Variants in THRB observed in about 807,000 individuals in gnomAD.
THRB encodes the protein nuclear receptor subfamily 1 group A member 2.
THRB carries 12 observed loss-of-function variants against 47.8 expected under a neutral mutation model. The ratio of observed to expected loss-of-function variants is 0.25; its 90% CI spans 0.16 to 0.41. THRB has a LOEUF of 0.41. THRB is among the 10% of genes least tolerant of loss of function. The pLI, the probability that THRB is intolerant of heterozygous loss-of-function variation, is 1.00. For missense variants in THRB, 348 were observed against 589.2 expected (o/e 0.59, Z 4.24); for synonymous variants, 218 against 212.2 (o/e 1.03, Z -0.24).
At position 24,118,278 on chromosome 3, in the gene THRB, A is replaced by T. The variant is rs2031008008; in HGVS notation, c.*4606T>A. ...GAGTTTATCTACGCCCACTATATTCATAATTACAGTTTTATATCTGCATAC... is the reference window on the plus strand; with the variant it reads ...GAGTTTATCTACGCCCACTATATTCTTAATTACAGTTTTATATCTGCATAC... On this transcript the variant is annotated 3_prime_UTR_variant, in exon 11 of 11. Transcript: ENST00000646209. 2 of 152,642 alleles carry T rather than the reference A, an allele frequency of 1.3e-5. No homozygotes were observed. Among genetic ancestry groups the T allele is most frequent in the Non-Finnish European group, 2.9e-5 (2 of 68,042 alleles). 9.5% of individuals were successfully genotyped at this position (152,642 alleles called of 1,614,324 possible).
intron 4 of THRB, among the ~76,000 whole-genome samples, chr3:24,224,671 A>C (rs1163377161): frequency 6.6e-6 from 1 of 152,234 alleles, no homozygotes; most frequent in Non-Finnish European, 1.5e-5. Flanking sequence ...AAGCTTGTTC[A>C]GTAGGACAGT....
Position 24,127,688 on chromosome 3 carries a change from C to G in THRB, c.955G>C (p.Val319Leu), listed in dbSNP as rs1307618097. 2 of 1,614,204 alleles carry G rather than the reference C, an allele frequency of 1.2e-6. No homozygotes were observed. Among genetic ancestry groups the G allele is most frequent in the South Asian group, 2.2e-5 (2 of 91,088 alleles). Residue 319 changes from valine (V) to leucine (L), a missense_variant, in exon 10 of 11, where the codon GTG becomes CTG. By Grantham distance (32) the Val-to-Leu change is conservative (BLOSUM62 1). Transcript: ENST00000646209. The stretch of plus-strand genomic sequence containing the variant: ...GTCTCACTTTCTGGGTCATAGCGCA[C>G]AGCAGCGCGAAGGGACATGATCTCC... Reference protein sequence around the residue: ...CMEIMSLRAAVRYDPESETLT... With the variant: ...CMEIMSLRAALRYDPESETLT...
rs1165966731 is a variant in THRB, at chr3:24,121,896, A to G, written c.*988T>C. 1 of 152,624 alleles carries G rather than the reference A, an allele frequency of 6.6e-6. No individual in the cohort carries two copies. The highest frequency in any genetic ancestry group is 1.5e-5 in the Non-Finnish European group (1 of 68,050). 9.5% of individuals were successfully genotyped at this position (152,624 alleles called of 1,614,324 possible). Reference sequence around the variant, plus strand: ...AATCTCGCCTCAGCATTTCTCCAGAAGAAGACTGAAGTTTCACCGTATCTT... The same window carrying G: ...AATCTCGCCTCAGCATTTCTCCAGAGGAAGACTGAAGTTTCACCGTATCTT... On this transcript the variant is annotated 3_prime_UTR_variant, in exon 11 of 11. Transcript: ENST00000646209.
chr3:24,170,975 C>T (rs186943986), intron 5 of THRB, among the ~76,000 whole-genome samples: 313 of 152,176 alleles, frequency 2.1e-3, no homozygotes, highest in African/African-American at 7.2e-3. Flanking sequence ...TTTATATCTT[C>T]GTCACAAGAG....
chr3:24,127,194 G>T (rs773460468), intron 10 of THRB, among the ~76,000 whole-genome samples: 12 of 152,208 alleles, frequency 7.9e-5, no homozygotes, highest in Admixed American at 3.3e-4. Flanking sequence ...CAAACCAGAA[G>T]GAGGCAGGTT....
At chr3:24,174,136 C>T (rs1027607155) in intron 5 of THRB, among the ~76,000 whole-genome samples, 11 of 152,066 alleles carry the variant, frequency 7.2e-5, no homozygotes, top group South Asian at 4.1e-4. Flanking sequence ...CTGTCATCTA[C>T]GTGTTAAGCC....
intron 1 of THRB, among the ~76,000 whole-genome samples, chr3:24,480,000 C>A (rs1221814507): frequency 6.6e-6 from 1 of 152,204 alleles, no homozygotes; most frequent in Admixed American, 6.5e-5. Context: ...GGGTCAACCA[C>A]AAGACAAGCA....
At chr3:24,205,793 G>A (rs960606062) in intron 4 of THRB, among the ~76,000 whole-genome samples, 96 of 152,270 alleles carry the variant, frequency 6.3e-4, no homozygotes, top group Non-Finnish European at 1.1e-3. Flanking sequence ...TCAAAGTAAA[G>A]GGATGGAGGA....
intron 1 of THRB, among the ~76,000 whole-genome samples, chr3:24,423,632 A>G (rs2069482117): frequency 6.6e-6 from 1 of 151,866 alleles, no homozygotes. Flanking sequence ...TTATATGTGA[A>G]GCAGACATGA....
chr3:24,192,228 G>C (rs1336219091), intron 4 of THRB, among the ~76,000 whole-genome samples: 1 of 152,142 alleles, frequency 6.6e-6, no homozygotes, highest in African/African-American at 2.4e-5. Flanking sequence ...ACATATCCAT[G>C]TGTAACTCAT....
intron 5 of THRB, among the ~76,000 whole-genome samples, chr3:24,157,199 ACT>A (rs2037990786): frequency 1.3e-5 from 2 of 151,768 alleles, no homozygotes; most frequent in Non-Finnish European, 2.9e-5. Context: ...CAGAACATCC[ACT>A]GTTTTCCCAC....
At chr3:24,279,873 G>T (rs1376864307) in intron 3 of THRB, among the ~76,000 whole-genome samples, 2 of 152,090 alleles carry the variant, frequency 1.3e-5, no homozygotes, top group African/African-American at 2.4e-5. Flanking sequence ...TGTGATCCAT[G>T]GACCATGGTC....
chr3:24,148,318 G>T (rs2036407127), intron 6 of THRB, among the ~76,000 whole-genome samples: 2 of 152,242 alleles, frequency 1.3e-5, no homozygotes, highest in Middle Eastern at 3.4e-3. Context: ...GTAGAGACGG[G>T]GTTTTGCCAT....
intron 1 of THRB, among the ~76,000 whole-genome samples, chr3:24,339,750 C>A (rs887008412): frequency 6.6e-6 from 1 of 152,124 alleles, no homozygotes; most frequent in African/African-American, 2.4e-5. Context: ...CTTAAACATA[C>A]CCATTTTCAG....
intron 3 of THRB, among the ~76,000 whole-genome samples, chr3:24,286,214 G>C (rs2055278586): frequency 6.6e-6 from 1 of 152,166 alleles, no homozygotes; most frequent in African/African-American, 2.4e-5. Context: ...CCTAATCTAT[G>C]ATATTTTGTT....
intron 3 of THRB, among the ~76,000 whole-genome samples, chr3:24,252,707 C>G (rs996285177): frequency 2.0e-5 from 3 of 151,486 alleles, no homozygotes; most frequent in African/African-American, 7.3e-5. Flanking sequence ...AAATCACCAA[C>G]TGGAATGCTG....
At chr3:24,158,082 T>G (rs28713192) in intron 5 of THRB, among the ~76,000 whole-genome samples, 1,607 of 152,328 alleles carry the variant, frequency 0.011, 27 homozygotes, top group African/African-American at 0.037. Context: ...ACATTTGGCT[T>G]GCAGAGTGTT....
chr3:24,223,717 C>T (rs1276410161), intron 4 of THRB, among the ~76,000 whole-genome samples: 1 of 151,606 alleles, frequency 6.6e-6, no homozygotes, highest in Non-Finnish European at 1.5e-5. Flanking sequence ...TTGCCATAAA[C>T]AAAAAGAAGA....
intron 1 of THRB, among the ~76,000 whole-genome samples, chr3:24,417,561 T>A (rs76581621): frequency 3.3e-3 from 496 of 152,034 alleles, no homozygotes; most frequent in African/African-American, 0.012. Flanking sequence ...TCATCACTGA[T>A]ATAATGTTAG....
Sources: gnomAD v4.1 joint callset for allele counts (sites outside exome capture counted in the v4.1 genomes callset) on GRCh38, gnomAD v4.1.1 for gene constraint, MANE v1.5 for transcripts, NCBI Gene and HGNC (gene_info 2026-07-23, HGNC 2026-07-21) for gene names.